The following MAPK14 variants were observed in gnomAD, a reference collection of about 807,000 sequenced individuals.
MAPK14 encodes mitogen-activated protein kinase 14.
In MAPK14, 16 loss-of-function variants were observed where a neutral mutation model predicts 49.6. The observed-to-expected ratio is 0.32, with a 90% CI of 0.22 to 0.49. MAPK14 has a LOEUF of 0.49. Among genes scored for constraint, MAPK14 ranks in the 20% least tolerant of loss-of-function variants. The pLI is 0.99. For missense variants in MAPK14, 200 were observed against 441.2 expected (o/e 0.45, Z 4.90); for synonymous variants, 142 against 158.0 (o/e 0.90, Z 0.76).
chr6:36,053,682 T>G (rs1262977314), intron 2 of MAPK14, among the ~76,000 whole-genome samples: 1 of 152,206 alleles, frequency 6.6e-6, no homozygotes, highest in Non-Finnish European at 1.5e-5. Flanking sequence ...TGTTACCTTG[T>G]GGAAGAAAAT....
rs527412417 is a variant in MAPK14 at position 36,070,967 on chromosome 6, T to C, written c.306-1906T>C. 2.6e-5 allele frequency among the ~76,000 whole-genome samples: 4 copies of C among 152,276 alleles called. No homozygotes were observed. The South Asian group carries it at 6.2e-4, about 24-fold the overall frequency. On this transcript the variant is annotated intron_variant, in intron 3 of 11. Coordinates refer to ENST00000229794, the MANE Select transcript of MAPK14 (RefSeq NM_139012.3). The stretch of plus-strand genomic sequence containing the variant: ...AGCATTCTTTATAGCTCAGCTGATA[T>C]ATATTATTACCCAATCTCAGGAATA...
chr6:36,115,816 T>TA (rs1766050570), downstream of MAPK14, among the ~76,000 whole-genome samples: 1 of 151,078 alleles, frequency 6.6e-6, no homozygotes, highest in Non-Finnish European at 1.5e-5. Flanking sequence ...GGGTCCCAGC[T>TA]ACTCAGGAGG....
chr6:36,123,110 G>T, the MAPK14 span, among the ~76,000 whole-genome samples: 2 of 152,054 alleles, frequency 1.3e-5, no homozygotes, highest in African/African-American at 4.8e-5. Flanking sequence ...GAGGGAGAGA[G>T]GGAGGGAGGG....
At chr6:36,078,307 T>C (rs1764611715) in intron 8 of MAPK14, among the ~76,000 whole-genome samples, 1 of 152,256 alleles carries the variant, frequency 6.6e-6, no homozygotes, top group Non-Finnish European at 1.5e-5. Flanking sequence ...CAGTAAATGT[T>C]AGCCATCATG....
chr6:36,119,522 C>G, the MAPK14 span, among the ~76,000 whole-genome samples: 1 of 152,114 alleles, frequency 6.6e-6, no homozygotes, highest in South Asian at 2.1e-4. Flanking sequence ...CAAACACCAT[C>G]AATAGGGGAA....
chr6:36,050,314 A>G (rs554988044), intron 1 of MAPK14, among the ~76,000 whole-genome samples: 1 of 152,354 alleles, frequency 6.6e-6, no homozygotes, highest in Admixed American at 6.5e-5. Context: ...AAGGATAGAA[A>G]CAAGCAATGA....
intron 1 of MAPK14, among the ~76,000 whole-genome samples, chr6:36,033,347 T>C (rs1291281861): frequency 6.6e-6 from 1 of 151,954 alleles, no homozygotes; most frequent in Non-Finnish European, 1.5e-5. Flanking sequence ...GACGGAGTCT[T>C]GCTGTGTTGC....
intron 10 of MAPK14, among the ~76,000 whole-genome samples, chr6:36,106,055 C>T (rs563846506): frequency 6.6e-6 from 1 of 152,290 alleles, no homozygotes; most frequent in African/African-American, 2.4e-5. Flanking sequence ...AAATATCCCG[C>T]AGATTACTTG....
At chr6:36,123,061 T>C in the MAPK14 span, among the ~76,000 whole-genome samples, 2 of 150,692 alleles carry the variant, frequency 1.3e-5, no homozygotes, top group Admixed American at 6.6e-5. Context: ...CACCTCCTTG[T>C]AGATGTGAGT....
At chr6:36,074,304 A>G (rs1480101632) in intron 6 of MAPK14, among the ~76,000 whole-genome samples, 1 of 152,186 alleles carries the variant, frequency 6.6e-6, no homozygotes, top group Non-Finnish European at 1.5e-5. Flanking sequence ...TTTAACATAA[A>G]GTTAAATTAT....
In MAPK14 at chr6:36,052,703, G is replaced by T; in HGVS notation, c.121G>T (p.Ala41Ser). The T allele has an allele frequency of 6.2e-7, 1 of 1,603,946 alleles. No homozygotes were observed. Among genetic ancestry groups the T allele is most frequent in the Non-Finnish European group, 8.5e-7 (1 of 1,175,760 alleles). Residue 41 changes from alanine to serine, a missense_variant, in exon 2 of 12, where the codon GCT becomes TCT. Physicochemically the swap from Ala to Ser is moderately conservative, Grantham distance 99. Coordinates refer to ENST00000229794, the MANE Select transcript of MAPK14 (RefSeq NM_139012.3). ...GSGAYGSVCA[A>S]FDTKTGLRVA... ...TTTTCCCTTTTTTCTCCTTAGTGCT[G>T]CTTTTGACACAAAAACGGGGTTACG...
chr6:36,059,374 C>G, intron 3 of MAPK14, 27 bp downstream of exon 3: 1 of 1,540,106 alleles, frequency 6.5e-7, no homozygotes. Context: ...CATTTGCCTT[C>G]CTGGTCTACA....
intron 10 of MAPK14, among the ~76,000 whole-genome samples, chr6:36,106,712 G>A (rs560793713): frequency 6.8e-4 from 103 of 152,202 alleles, no homozygotes; most frequent in Non-Finnish European, 1.1e-3. Flanking sequence ...AGGCATATGA[G>A]TGTTCACTTT....
intron 1 of MAPK14, among the ~76,000 whole-genome samples, chr6:36,048,221 T>G (rs1397940292): frequency 6.6e-6 from 1 of 152,014 alleles, no homozygotes; most frequent in Non-Finnish European, 1.5e-5. Flanking sequence ...TTTATATTTT[T>G]TTAGTAGAGA....
At chr6:36,082,414 A>G (rs997480687) in intron 8 of MAPK14, among the ~76,000 whole-genome samples, 3 of 152,348 alleles carry the variant, frequency 2.0e-5, no homozygotes, top group Admixed American at 6.5e-5. Context: ...TTGGTAGTCC[A>G]TTTCACATTG....
At chr6:36,099,903 A>G (rs1765574534) in intron 9 of MAPK14, among the ~76,000 whole-genome samples, 1 of 152,236 alleles carries the variant, frequency 6.6e-6, no homozygotes, top group African/African-American at 2.4e-5. Flanking sequence ...ATCAAGGGGC[A>G]GTCTGTTTCC....
chr6:36,110,474 T>C lies in MAPK14; in HGVS notation c.*2027T>C, dbSNP rs185227372. The C allele has an allele frequency of 1.3e-5, 2 of 152,800 alleles. No homozygotes were observed. The highest frequency in any genetic ancestry group is 6.5e-5 in the Admixed American group (1 of 15,304). 9.5% of individuals were successfully genotyped at this position (152,800 alleles called of 1,614,324 possible). On this transcript the variant is annotated 3_prime_UTR_variant, in exon 12 of 12. Coordinates refer to ENST00000229794, the MANE Select transcript of MAPK14 (RefSeq NM_139012.3). ...ATGCTCGTGTGATTTCCTACAGAAATACTGCTCTGAATATTTTGTAATAAA... is the reference window on the plus strand; with the variant it reads ...ATGCTCGTGTGATTTCCTACAGAAACACTGCTCTGAATATTTTGTAATAAA...
intron 8 of MAPK14, among the ~76,000 whole-genome samples, chr6:36,091,157 G>A (rs758071104): frequency 8.6e-5 from 13 of 152,022 alleles, no homozygotes; most frequent in South Asian, 2.1e-4. Context: ...GGCCTGTGGA[G>A]GTTTTTTAGG....
chr6:36,082,397 C>G (rs893376729), intron 8 of MAPK14, among the ~76,000 whole-genome samples: 7 of 152,194 alleles, frequency 4.6e-5, no homozygotes, highest in African/African-American at 1.7e-4. Context: ...TGGGGAAGTT[C>G]TCTTCTTTGG....
Sources: allele counts gnomAD v4.1 joint callset (sites outside exome capture counted in the v4.1 genomes callset), GRCh38; gene constraint gnomAD v4.1.1; transcripts MANE v1.5; gene names NCBI Gene and HGNC (gene_info 2026-07-23, HGNC 2026-07-21).